Variants in SSTR3 observed in about 807,000 individuals in gnomAD.
SSTR3 encodes somatostatin receptor type 3.
For missense variants in SSTR3, 504 were observed against 604.7 expected, an observed-to-expected ratio of 0.83 and a Z score of 1.75; for synonymous variants, 281 against 269.2, an observed-to-expected ratio of 1.04 and a Z score of -0.43.
chr22:37,215,822 G>T (rs7284073), upstream of SSTR3: 84,449 of 285,492 alleles, frequency 0.3, 14,216 homozygotes, highest in Non-Finnish European at 0.35. Context: ...GATCCACTGG[G>T]GAATGGGACA....
upstream of SSTR3, among the ~76,000 whole-genome samples, chr22:37,215,122 T>C (rs1926380609): frequency 6.6e-6 from 1 of 152,248 alleles, no homozygotes; most frequent in East Asian, 1.9e-4. Context: ...TAGTCCCCGC[T>C]TTATGCCCCT....
upstream of SSTR3, among the ~76,000 whole-genome samples, chr22:37,214,688 C>A (rs933861765): frequency 2.6e-5 from 4 of 152,188 alleles, no homozygotes; most frequent in African/African-American, 7.2e-5. Context: ...CTTCCACCCT[C>A]GCCCCCTACT....
In SSTR3 at chr22:37,206,372, C is replaced by T. The variant is rs1925737982; in HGVS notation, c.*175G>A. Reference sequence around the variant, plus strand: ...CTGAGTCACAGAGGAGAAAACAAGGCCCAGAGAGTAGAAGCAACCTACCCA... The same window carrying T: ...CTGAGTCACAGAGGAGAAAACAAGGTCCAGAGAGTAGAAGCAACCTACCCA... On this transcript the variant is annotated 3_prime_UTR_variant, in exon 2 of 2. Coordinates refer to ENST00000610913, the MANE Select transcript of SSTR3 (RefSeq NM_001051.5). 6 of 981,714 alleles carry T rather than the reference C, an allele frequency of 6.1e-6. No homozygotes were observed. The highest frequency in any genetic ancestry group is 8.7e-6 in the Non-Finnish European group (6 of 691,884). 60.8% of individuals were successfully genotyped at this position (981,714 alleles called of 1,614,324 possible).
the SSTR3 span, among the ~76,000 whole-genome samples, chr22:37,219,335 C>G: frequency 3.9e-3 from 587 of 152,314 alleles, 3 homozygotes; most frequent in African/African-American, 0.014. Flanking sequence ...GGGGCTGTGC[C>G]TCACCCCTCT....
rs781586851 is a variant in SSTR3, at chr22:37,206,147, C to T, written c.*400G>A. The T allele has an allele frequency of 1.8e-4, 32 of 173,078 alleles. No individual in the cohort carries two copies. The highest frequency in any genetic ancestry group is 3.4e-4 in the Non-Finnish European group (28 of 82,628). 10.7% of individuals were successfully genotyped at this position (173,078 alleles called of 1,614,324 possible). On this transcript the variant is annotated 3_prime_UTR_variant, in exon 2 of 2. Transcript: ENST00000610913. ...CCCAGCCCCCAGCAGCTCCTGTGTT[C>T]CTGACTCTGAGCCCAAGAAATCCTG... is the stretch of plus-strand genomic sequence containing the variant.
In SSTR3 at chr22:37,205,734, G is replaced by C. The variant is rs569459338; in HGVS notation, c.*813C>G. On this transcript the variant is annotated 3_prime_UTR_variant, in exon 2 of 2. Transcript: ENST00000610913. ...GGGATTGGGTGGCTGACCTCAGCAG[G>C]GGCAGAGCCAGGCTTTGGGTGGCCT... 6.6e-6 allele frequency: 1 copy of C among 152,408 alleles called. No homozygotes were observed. Among genetic ancestry groups the C allele is most frequent in the East Asian group, 1.9e-4 (1 of 5,182 alleles). The allele number at this position is 152,408 out of a possible 1,614,324, so 9.4% of individuals were successfully genotyped here.
At chr22:37,215,572 C>G (rs929733361), upstream of SSTR3, among the ~76,000 whole-genome samples, 11 of 152,168 alleles carry the variant, frequency 7.2e-5, no homozygotes, top group African/African-American at 2.4e-4. Flanking sequence ...CTATGTATTA[C>G]TGAACCCAGC....
At chr22:37,213,869 G>A (rs998169463), upstream of SSTR3, among the ~76,000 whole-genome samples, 1 of 152,164 alleles carries the variant, frequency 6.6e-6, no homozygotes, top group Non-Finnish European at 1.5e-5. Context: ...GCTCCTCTGT[G>A]CCCCAGGCGT....
rs1460104617 is a variant in SSTR3 at position 37,206,346 on chromosome 22, C to T, written c.*201G>A. ...CTCATCCAGGCTGATGACTCCTATC[C>T]CTGAGTCACAGAGGAGAAAACAAGG... On this transcript the variant is annotated 3_prime_UTR_variant, in exon 2 of 2. Transcript: ENST00000610913. The T allele has an allele frequency of 4.0e-6, 3 of 755,758 alleles. No homozygotes were observed. The highest frequency in any genetic ancestry group is 1.8e-5 in the African/African-American group (1 of 56,264). 46.8% of individuals were successfully genotyped at this position (755,758 alleles called of 1,614,324 possible).
upstream of SSTR3, among the ~76,000 whole-genome samples, chr22:37,217,248 G>A (rs1926486890): frequency 6.6e-6 from 1 of 152,080 alleles, no homozygotes; most frequent in South Asian, 2.1e-4. Context: ...TCAGCTGATG[G>A]AAGGCGTCTG....
the SSTR3 span, among the ~76,000 whole-genome samples, chr22:37,217,986 G>T: frequency 6.6e-6 from 1 of 152,132 alleles, no homozygotes; most frequent in Non-Finnish European, 1.5e-5. Context: ...TTACAGGAAT[G>T]AGCTACTGAG....
chr22:37,207,612 C>A lies in SSTR3; in HGVS notation c.192G>T (p.Leu64=), dbSNP rs776993436. ...VCVVGLLGNS[L]VIYVVLRHTA... Reference sequence around the variant, plus strand: ...TGTGCCGCAGGACCACATAGATGACCAGCGAGTTACCCAGCAGGCCCACCA... The same window carrying A: ...TGTGCCGCAGGACCACATAGATGACAAGCGAGTTACCCAGCAGGCCCACCA... Residue 64 remains leucine (L), a synonymous_variant, in exon 2 of 2, where the codon CTG becomes CTT. Coordinates refer to ENST00000610913, the MANE Select transcript of SSTR3 (RefSeq NM_001051.5). The A allele has an allele frequency of 6.2e-7, 1 of 1,606,312 alleles. No homozygotes were observed. The highest frequency in any genetic ancestry group is 8.5e-7 in the Non-Finnish European group (1 of 1,174,326).
chr22:37,207,105 C>T lies in SSTR3; in HGVS notation c.699G>A (p.Val233=), dbSNP rs1569078690. 2 of 1,612,564 alleles carry T rather than the reference C, an allele frequency of 1.2e-6. No homozygotes were observed. Among genetic ancestry groups the T allele is most frequent in the African/African-American group, 1.3e-5 (1 of 75,054 alleles). Residue 233 remains valine, a synonymous_variant, in exon 2 of 2, where the codon GTG becomes GTA. Transcript: ENST00000610913. ...CLCYLLIVVK[V]RSAGRRVWAP... Reference sequence around the variant, plus strand: ...CCCACACCCGGCGCCCAGCTGAGCGCACCTTCACCACGATGAGCAGGTAGC... The same window carrying T: ...CCCACACCCGGCGCCCAGCTGAGCGTACCTTCACCACGATGAGCAGGTAGC...
intron 1 of SSTR3, among the ~76,000 whole-genome samples, chr22:37,210,251 G>A (rs1244525551): frequency 6.6e-6 from 1 of 152,234 alleles, no homozygotes; most frequent in Non-Finnish European, 1.5e-5. Context: ...ATGCCCCTGG[G>A]GTAGCCCGCT....
At position 37,211,913 on chromosome 22, in the gene SSTR3, C is replaced by A; in HGVS notation, c.-125G>T. The A allele has an allele frequency of 2.0e-6, 2 of 985,814 alleles. No individual in the cohort carries two copies. The highest frequency in any genetic ancestry group is 2.4e-6 in the Non-Finnish European group (2 of 830,190). The allele number at this position is 985,814 out of a possible 1,614,324, so 61.1% of individuals were successfully genotyped here. A position where few individuals can be genotyped will look rare whatever the true frequency, so the allele number is the denominator to read the frequency against. ...TCCCTGCCCAGTCCCCAGGTGCCCC[C>A]AGGGCACTCCTAACTAGGGTCCCCA... On this transcript the variant is annotated 5_prime_UTR_variant, in exon 1 of 2. Transcript: ENST00000610913.
At chr22:37,209,036 C>A (rs1246073318) in intron 1 of SSTR3, among the ~76,000 whole-genome samples, 1 of 152,194 alleles carries the variant, frequency 6.6e-6, no homozygotes, top group Non-Finnish European at 1.5e-5. Context: ...TAATGATCCC[C>A]CAATCCCCTG....
intron 1 of SSTR3, chr22:37,210,456 T>G: frequency 1.7e-5 from 16 of 945,122 alleles, no homozygotes; most frequent in Non-Finnish European, 2.0e-5. Context: ...GTCTCCACCC[T>G]TATCTCAGCC....
rs578217687 is a variant in SSTR3 at position 37,204,685 on chromosome 22, T to C, written c.*1862A>G. Reference sequence around the variant, plus strand: ...TGAGGAGGGCACCCCCACTTTATAATCTGATACACCCCACCGTACCCATTG... The same window carrying C: ...TGAGGAGGGCACCCCCACTTTATAACCTGATACACCCCACCGTACCCATTG... On this transcript the variant is annotated 3_prime_UTR_variant, in exon 2 of 2. Transcript: ENST00000610913. 6.6e-6 allele frequency: 1 copy of C among 152,326 alleles called. No individual in the cohort carries two copies. The highest frequency in any genetic ancestry group is 2.1e-4 in the South Asian group (1 of 4,824). 9.4% of individuals were successfully genotyped at this position (152,326 alleles called of 1,614,324 possible).
In SSTR3 at chr22:37,211,929, A is replaced by G. The variant is rs1926214308; in HGVS notation, c.-141T>C. 1.0e-6 allele frequency: 1 copy of G among 985,522 alleles called. No homozygotes were observed. Among genetic ancestry groups the G allele is most frequent in the Non-Finnish European group, 1.2e-6 (1 of 830,058 alleles). The allele number at this position is 985,522 out of a possible 1,614,324, so 61.0% of individuals were successfully genotyped here. A position where few individuals can be genotyped will look rare whatever the true frequency, so the allele number is the denominator to read the frequency against. ...AGGTGCCCCCAGGGCACTCCTAACT[A>G]GGGTCCCCACAAGGCACCCACTTCT... On this transcript the variant is annotated 5_prime_UTR_variant, in exon 1 of 2. Coordinates refer to ENST00000610913, the MANE Select transcript of SSTR3 (RefSeq NM_001051.5).
Sources: gnomAD v4.1 joint callset for allele counts (sites outside exome capture counted in the v4.1 genomes callset) on GRCh38, gnomAD v4.1.1 for gene constraint, MANE v1.5 for transcripts, NCBI Gene and HGNC (gene_info 2026-07-23, HGNC 2026-07-21) for gene names.